The following SPATA17 variants were observed in gnomAD, a reference collection of about 807,000 sequenced individuals.
SPATA17 encodes spermatogenesis-associated protein 17.
A neutral mutation model predicts 62.2 loss-of-function variants in SPATA17; 53 were observed. The ratio of observed to expected loss-of-function variants is 0.85; its 90% CI spans 0.68 to 1.07. SPATA17 has a LOEUF of 1.07. Among genes scored for constraint, SPATA17 ranks in the 50% least tolerant of loss-of-function variants. The probability of loss-of-function intolerance (pLI) is 0.00; values close to 1 mark genes in which losing one functional copy is unlikely to be tolerated. For synonymous variants in SPATA17, 146 were observed against 146.8 expected (o/e 0.99, Z 0.04); for missense variants, 466 against 425.5 (o/e 1.10, Z -0.84).
At chr1:217,674,409 T>C (rs1670899540) in intron 4 of SPATA17, among the ~76,000 whole-genome samples, 1 of 152,164 alleles carries the variant, frequency 6.6e-6, no homozygotes, top group Non-Finnish European at 1.5e-5. Flanking sequence ...TAGGAGGAGG[T>C]GCCTCATCTA....
intron 1 of SPATA17, among the ~76,000 whole-genome samples, chr1:217,632,524 A>G (rs965833573): frequency 2.6e-5 from 4 of 152,184 alleles, no homozygotes; most frequent in Non-Finnish European, 4.4e-5. Flanking sequence ...CTACATCATT[A>G]TTTCACAACG....
intron 9 of SPATA17, among the ~76,000 whole-genome samples, chr1:217,861,389 A>T (rs1001697583): frequency 6.8e-6 from 1 of 146,842 alleles, no homozygotes; most frequent in East Asian, 2.0e-4. Flanking sequence ...ATAAAATATT[A>T]TATATATATA....
At chr1:217,735,034 C>T (rs1018342812) in intron 5 of SPATA17, among the ~76,000 whole-genome samples, 1 of 152,146 alleles carries the variant, frequency 6.6e-6, no homozygotes, top group Non-Finnish European at 1.5e-5. Context: ...CTTCTCTCTC[C>T]TAATTAAACC....
intron 6 of SPATA17, among the ~76,000 whole-genome samples, chr1:217,748,820 T>C (rs912677486): frequency 3.9e-5 from 6 of 151,972 alleles, no homozygotes; most frequent in Admixed American, 3.3e-4. Flanking sequence ...GTATCATAAG[T>C]GGAGAGATCT....
chr1:217,703,174 C>CT lies in SPATA17; in HGVS notation c.395+19827dup, dbSNP rs1203063860. 7.2e-3 allele frequency among the ~76,000 whole-genome samples: 760 copies of CT among 105,464 alleles called. 24 individuals are homozygous for CT. The highest frequency in any genetic ancestry group is 0.03 in the East Asian group (111 of 3,708). 69.2% of individuals were successfully genotyped at this position (105,464 alleles called of 152,430 possible). A position where few individuals can be genotyped will look rare whatever the true frequency, so the allele number is the denominator to read the frequency against. ...ACAGGCGTGAGCCATTGCGCTCGGC[C>CT]TTTTTTTTTTTTTTGAAATGGAGTC... On this transcript the variant is annotated intron_variant, in intron 5 of 10. Coordinates refer to ENST00000366933, the MANE Select transcript of SPATA17 (RefSeq NM_138796.4).
intron 9 of SPATA17, among the ~76,000 whole-genome samples, chr1:217,861,810 A>G (rs1281196169): frequency 6.6e-6 from 1 of 152,096 alleles, no homozygotes; most frequent in African/African-American, 2.4e-5. Flanking sequence ...ACCATCCTTC[A>G]TGTCACTTGG....
intron 5 of SPATA17, among the ~76,000 whole-genome samples, chr1:217,701,131 C>T (rs1433270069): frequency 6.6e-6 from 1 of 150,540 alleles, no homozygotes; most frequent in East Asian, 2.0e-4. Flanking sequence ...CACACCACCA[C>T]GCCTAGCTAG....
At chr1:217,725,649 G>A (rs1006098546) in intron 5 of SPATA17, among the ~76,000 whole-genome samples, 1 of 152,096 alleles carries the variant, frequency 6.6e-6, no homozygotes, top group African/African-American at 2.4e-5. Flanking sequence ...TTTTAGTAGA[G>A]ACAGAGTTTT....
At chr1:217,745,701 G>A (rs1660061959) in intron 6 of SPATA17, among the ~76,000 whole-genome samples, 1 of 151,888 alleles carries the variant, frequency 6.6e-6, no homozygotes, top group Non-Finnish European at 1.5e-5. Flanking sequence ...ACTGTGCTAG[G>A]ACTTTAGTAT....
chr1:217,679,549 CTGAT>C (rs1671030090), intron 4 of SPATA17, among the ~76,000 whole-genome samples: 1 of 152,184 alleles, frequency 6.6e-6, no homozygotes, highest in African/African-American at 2.4e-5. Flanking sequence ...CACTTAAAGA[CTGAT>C]TGATTATACT....
At chr1:217,759,690 G>T (rs193171105) in intron 6 of SPATA17, among the ~76,000 whole-genome samples, 1 of 152,174 alleles carries the variant, frequency 6.6e-6, no homozygotes, top group East Asian at 1.9e-4. Context: ...ACGGAATAGG[G>T]GCTCCACAGG....
At chr1:217,780,741 T>C (rs926943443) in intron 7 of SPATA17, among the ~76,000 whole-genome samples, 1 of 152,188 alleles carries the variant, frequency 6.6e-6, no homozygotes, top group African/African-American at 2.4e-5. Flanking sequence ...AATAACAATG[T>C]AGTGGGAACC....
intron 5 of SPATA17, among the ~76,000 whole-genome samples, chr1:217,712,756 C>A (rs1671907460): frequency 6.6e-6 from 1 of 152,082 alleles, no homozygotes; most frequent in East Asian, 1.9e-4. Context: ...CAAATAGGGT[C>A]TTTTCAGAAA....
At chr1:217,786,597 G>C (rs1170024030) in intron 8 of SPATA17, among the ~76,000 whole-genome samples, 1 of 152,090 alleles carries the variant, frequency 6.6e-6, no homozygotes, top group South Asian at 2.1e-4. Flanking sequence ...TTTTCTTAGA[G>C]AAAGTGGATG....
At chr1:217,779,853 G>A (rs61825813) in intron 7 of SPATA17, among the ~76,000 whole-genome samples, 1 of 151,808 alleles carries the variant, frequency 6.6e-6, no homozygotes, top group African/African-American at 2.4e-5. Context: ...TTTTAATAAT[G>A]GCTTAAACAT....
chr1:217,734,619 T>A (rs1428865556), intron 5 of SPATA17, among the ~76,000 whole-genome samples: 2 of 152,230 alleles, frequency 1.3e-5, no homozygotes, highest in Non-Finnish European at 2.9e-5. Context: ...ATTTTATTTT[T>A]TCTTAAAGAT....
intron 9 of SPATA17, among the ~76,000 whole-genome samples, chr1:217,810,028 A>G (rs1037416789): frequency 6.6e-6 from 1 of 152,252 alleles, no homozygotes; most frequent in Non-Finnish European, 1.5e-5. Context: ...TTTAAAATAT[A>G]AATGACTTGT....
At chr1:217,817,649 T>G (rs2102995188) in intron 9 of SPATA17, among the ~76,000 whole-genome samples, 1 of 152,212 alleles carries the variant, frequency 6.6e-6, no homozygotes, top group East Asian at 1.9e-4. Context: ...CCAAATCAAT[T>G]TTACCCTCAA....
chr1:217,745,760 A>G (rs1672732566), intron 6 of SPATA17, among the ~76,000 whole-genome samples: 1 of 152,108 alleles, frequency 6.6e-6, no homozygotes, highest in Non-Finnish European at 1.5e-5. Flanking sequence ...CGCTGAGCCT[A>G]ATTTCAGTCT....
Sources: allele counts gnomAD v4.1 joint callset (sites outside exome capture counted in the v4.1 genomes callset), GRCh38; gene constraint gnomAD v4.1.1; transcripts MANE v1.5; gene names NCBI Gene and HGNC (gene_info 2026-07-23, HGNC 2026-07-21).